Variants in ANKDD1A observed in about 807,000 individuals in gnomAD.
The protein encoded by ANKDD1A is ankyrin repeat and death domain-containing protein 1A.
Under a neutral mutation model 63.5 loss-of-function variants are expected in ANKDD1A, and 59 were observed. That is an observed-to-expected ratio of 0.93 (90% CI 0.75 to 1.15). ANKDD1A has a LOEUF of 1.15. Ranked by LOEUF, ANKDD1A falls within the 50% of genes most tolerant of loss-of-function variation. The pLI is 0.00. For synonymous variants in ANKDD1A, 266 were observed against 263.9 expected, an observed-to-expected ratio of 1.01 and a Z score of -0.08; for missense variants, 632 against 656.4, an observed-to-expected ratio of 0.96 and a Z score of 0.41.
At chr15:64,954,246 GTTCT>G (rs755806117) in intron 14 of ANKDD1A, among the ~76,000 whole-genome samples, 242 of 133,830 alleles carry the variant, frequency 1.8e-3, no homozygotes, top group African/African-American at 6.3e-3. Context: ...CGTCTTCTTA[GTTCT>G]TTCTTCTTCT....
chr15:64,929,635 C>A (rs866690936), intron 6 of ANKDD1A, among the ~76,000 whole-genome samples: 5 of 152,194 alleles, frequency 3.3e-5, no homozygotes, highest in Non-Finnish European at 7.4e-5. Context: ...AGTCCTCTGG[C>A]CCTCAAGTCC....
At chr15:64,953,988 T>C (rs1260059644) in intron 14 of ANKDD1A, among the ~76,000 whole-genome samples, 3 of 135,736 alleles carry the variant, frequency 2.2e-5, no homozygotes, top group African/African-American at 8.0e-5. Context: ...CTCTATCTTC[T>C]TCCTTTCTTT....
intron 14 of ANKDD1A, among the ~76,000 whole-genome samples, chr15:64,954,264 T>C (rs558925830): frequency 6.8e-6 from 1 of 147,192 alleles, no homozygotes; most frequent in African/African-American, 2.6e-5. Context: ...TTCTTCTCCT[T>C]CTTTTCCTTT....
chr15:64,926,075 A>G lies in ANKDD1A; in HGVS notation c.376A>G (p.Thr126Ala). 2 of 1,613,318 alleles carry G rather than the reference A, an allele frequency of 1.2e-6. No individual in the cohort carries two copies. The highest frequency in any genetic ancestry group is 1.7e-6 in the Non-Finnish European group (2 of 1,179,778). ...CTGCACTTGTTTCCAGGATGGCCTG[A>G]CCTTACTGCACTGCGCAGCCCAAAA... ...KIHCESKDGL[T>A]LLHCAAQKGH... The change falls in exon 5 of 15, where the codon ACC becomes GCC. Residue 126 changes from threonine (T) to alanine (A), a missense_variant. Thr to Ala is a moderately conservative substitution (Grantham distance 58). Coordinates refer to ENST00000319580, the MANE Select transcript of ANKDD1A (RefSeq NM_182703.6).
At chr15:64,952,803 TCC>T (rs2085321380) in intron 14 of ANKDD1A, among the ~76,000 whole-genome samples, 3 of 148,184 alleles carry the variant, frequency 2.0e-5, no homozygotes, top group African/African-American at 2.5e-5. Context: ...TCTTTTCTTC[TCC>T]TTCTCCTCCT....
At chr15:64,953,648 T>G in intron 14 of ANKDD1A, among the ~76,000 whole-genome samples, 1 of 83,494 alleles carries the variant, frequency 1.2e-5, no homozygotes, top group East Asian at 3.9e-4. Context: ...TTCCTCTTCC[T>G]TCTCCTTCTT....
chr15:64,953,033 TTCC>T (rs202006169), intron 14 of ANKDD1A, among the ~76,000 whole-genome samples: 1,396 of 81,082 alleles, frequency 0.017, 18 homozygotes, highest in African/African-American at 0.051. Flanking sequence ...CTCCTCCTTC[TTCC>T]TTTCTTCTTT....
At chr15:64,955,193 A>G (rs1246044084) in intron 14 of ANKDD1A, among the ~76,000 whole-genome samples, 2 of 151,998 alleles carry the variant, frequency 1.3e-5, no homozygotes, top group Admixed American at 1.3e-4. Context: ...AGCTGGGACT[A>G]CAGGTGCCTG....
intron 9 of ANKDD1A, among the ~76,000 whole-genome samples, chr15:64,939,970 T>C (rs755775987): frequency 6.6e-6 from 1 of 152,246 alleles, no homozygotes; most frequent in South Asian, 2.1e-4. Context: ...ACATGATCCA[T>C]TGAAGCAAAA....
At position 64,958,118 on chromosome 15, in the gene ANKDD1A, A is replaced by C. The variant is rs752754015; in HGVS notation, c.*930A>C. 2 of 152,276 alleles carry C rather than the reference A, an allele frequency of 1.3e-5. No individual in the cohort carries two copies. Among genetic ancestry groups the C allele is most frequent in the African/African-American group, 2.4e-5 (1 of 41,474 alleles). The allele number at this position is 152,276 out of a possible 1,614,324, so 9.4% of individuals were successfully genotyped here. Reference sequence around the variant, plus strand: ...CATGCTGGAACAGGCAAAACTACAAAGACAGTAAAAAGATCAGTGATTTCC... The same window carrying C: ...CATGCTGGAACAGGCAAAACTACAACGACAGTAAAAAGATCAGTGATTTCC... On this transcript the variant is annotated 3_prime_UTR_variant, in exon 15 of 15. Coordinates refer to ENST00000319580, the MANE Select transcript of ANKDD1A (RefSeq NM_182703.6).
intron 14 of ANKDD1A, among the ~76,000 whole-genome samples, chr15:64,952,856 CCTT>C (rs931091082): frequency 4.2e-3 from 60 of 14,206 alleles, no homozygotes; most frequent in African/African-American, 5.4e-3. Context: ...TGTCTCTTCT[CCTT>C]CTTCTTTTCT....
chr15:64,948,436 A>G (rs1324729450), intron 13 of ANKDD1A, among the ~76,000 whole-genome samples: 1 of 152,186 alleles, frequency 6.6e-6, no homozygotes, highest in Non-Finnish European at 1.5e-5. Context: ...AAGAATAAAC[A>G]GGGATATAAA....
At chr15:64,953,597 T>TAG (rs1382712518) in intron 14 of ANKDD1A, among the ~76,000 whole-genome samples, 4 of 56,104 alleles carry the variant, frequency 7.1e-5, no homozygotes, top group Middle Eastern at 8.5e-3. Context: ...TCCTTCTCCT[T>TAG]TTCTTCTTTC....
At chr15:64,934,507 T>C (rs2085112404) in intron 9 of ANKDD1A, among the ~76,000 whole-genome samples, 1 of 145,856 alleles carries the variant, frequency 6.9e-6, no homozygotes, top group African/African-American at 2.5e-5. Context: ...TTTCTTTTTT[T>C]TTTTTTTTTT....
Position 64,924,993 on chromosome 15 carries a change from G to A in ANKDD1A, c.367-1073G>A, listed in dbSNP as rs143403354. Among the ~76,000 whole-genome samples the A allele has an allele frequency of 7.2e-3, 1,095 of 152,200 alleles. 12 individuals are homozygous for A. The highest frequency in any genetic ancestry group is 0.025 in the African/African-American group (1,048 of 41,532). On this transcript the variant is annotated intron_variant, in intron 4 of 14. Transcript: ENST00000319580. The stretch of plus-strand genomic sequence containing the variant: ...TGTAATCCCAGGACTTTGGGAGGCC[G>A]AGGCAGGCAGATTGCCTGAGTTCGG...
chr15:64,954,207 CT>C (rs2085377107), intron 14 of ANKDD1A, among the ~76,000 whole-genome samples: 2 of 18,926 alleles, frequency 1.1e-4, no homozygotes, highest in Non-Finnish European at 1.1e-3. Context: ...GTTCCTTATT[CT>C]TTTCTTCTTC....
intron 14 of ANKDD1A, among the ~76,000 whole-genome samples, chr15:64,951,945 C>G (rs1003543046): frequency 6.0e-5 from 8 of 133,522 alleles, no homozygotes; most frequent in African/African-American, 2.2e-4. Flanking sequence ...TTCTTTTCTT[C>G]TTCTTCTTTC....
At chr15:64,933,299 A>G (rs950123219) in intron 8 of ANKDD1A, among the ~76,000 whole-genome samples, 2 of 152,100 alleles carry the variant, frequency 1.3e-5, no homozygotes, top group African/African-American at 4.8e-5. Context: ...GAACTCCTCA[A>G]TCCTGGGCAA....
In ANKDD1A at chr15:64,950,729, GCCCCCCCCCCC is replaced by G. The variant is rs57067556; in HGVS notation, c.1483+768_1483+778del. ...TATTATTGAGGGAAAAGAAAGGACCGCCCCCCCCCCCCCCCCCCCCCATAGCTGCTATAGGC... is the reference window on the plus strand; with the variant it reads ...TATTATTGAGGGAAAAGAAAGGACCGCCCCCCCCCCATAGCTGCTATAGGC... On this transcript the variant is annotated intron_variant, in intron 14 of 14. Coordinates refer to ENST00000319580, the MANE Select transcript of ANKDD1A (RefSeq NM_182703.6). 457 of 757,348 alleles carry G rather than the reference GCCCCCCCCCCC, an allele frequency of 6.0e-4. 3 individuals are homozygous for G. Among genetic ancestry groups the G allele is most frequent in the South Asian group, 1.0e-3 (13 of 12,968 alleles). The allele number at this position is 757,348 out of a possible 1,614,324, so 46.9% of individuals were successfully genotyped here. A position where few individuals can be genotyped will look rare whatever the true frequency, so the allele number is the denominator to read the frequency against.
Sources: gnomAD v4.1 joint callset for allele counts (sites outside exome capture counted in the v4.1 genomes callset) on GRCh38, gnomAD v4.1.1 for gene constraint, MANE v1.5 for transcripts, NCBI Gene and HGNC (gene_info 2026-07-23, HGNC 2026-07-21) for gene names.